NFASC: variants seen among roughly 807,000 people sequenced by gnomAD.
NFASC encodes neurofascin homolog.
NFASC carries 43 observed loss-of-function variants against 147.5 expected under a neutral mutation model. The ratio of observed to expected loss-of-function variants is 0.29; its 90% CI spans 0.23 to 0.38. The LOEUF is 0.38. NFASC is among the 10% of genes least tolerant of loss of function. NFASC has a pLI of 1.00. For synonymous variants in NFASC, 622 were observed against 665.5 expected, an observed-to-expected ratio of 0.93 and a Z score of 1.01; for missense variants, 1,320 against 1,689.0, an observed-to-expected ratio of 0.78 and a Z score of 3.83.
intron 24 of NFASC, among the ~76,000 whole-genome samples, chr1:204,994,747 A>T (rs572139310): frequency 6.6e-6 from 1 of 152,290 alleles, no homozygotes; most frequent in South Asian, 2.1e-4. Flanking sequence ...CCTCCTCCAA[A>T]GGGAGTGTTT....
chr1:204,956,589 G>C (rs770149450), intron 7 of NFASC, among the ~76,000 whole-genome samples: 1 of 152,168 alleles, frequency 6.6e-6, no homozygotes, highest in African/African-American at 2.4e-5. Flanking sequence ...CATTGCAATT[G>C]TTTATTTATC....
Position 204,973,265 on chromosome 1 carries a change from C to G in NFASC, c.1136-11C>G, listed in dbSNP as rs1558312492. 1 of 1,613,960 alleles carries G rather than the reference C, an allele frequency of 6.2e-7. No homozygotes were observed. The highest frequency in any genetic ancestry group is 8.5e-7 in the Non-Finnish European group (1 of 1,179,936). On this transcript the variant is annotated splice_polypyrimidine_tract_variant and intron_variant, in intron 11 of 29. Coordinates refer to ENST00000339876, the MANE Select transcript of NFASC (RefSeq NM_001005388.3). ...CATCTCTCATGAGGAGCGTCTCTTT[C>G]TTGTCTGTAGCGGCACCACCTAACC...
chr1:204,991,186 C>A, intron 23 of NFASC, 106 bp from the exon 24 acceptor site: 3 of 1,366,030 alleles, frequency 2.2e-6, no homozygotes, highest in South Asian at 1.2e-5. Context: ...TGGGCTGGAA[C>A]CTTCCCTGCT....
At chr1:204,876,604 A>T (rs1245044686) in intron 1 of NFASC, among the ~76,000 whole-genome samples, 1 of 151,690 alleles carries the variant, frequency 6.6e-6, no homozygotes, top group African/African-American at 2.4e-5. Context: ...CTACCTCCTC[A>T]TTCTCCCCTC....
intron 3 of NFASC, among the ~76,000 whole-genome samples, chr1:204,947,889 C>T (rs753393544): frequency 2.0e-5 from 3 of 152,092 alleles, no homozygotes; most frequent in East Asian, 1.9e-4. Context: ...CATACACTCA[C>T]GCTCACACCT....
In NFASC at chr1:204,887,170, G is replaced by A. The variant is rs750658087; in HGVS notation, c.-199-33462G>A. ...AACTCCCTATTCCCTCCTCCCCCAA[G>A]CACCTGGGAACCGTCATTCTGCTTT... On this transcript the variant is annotated intron_variant, in intron 1 of 29. Coordinates refer to ENST00000339876, the MANE Select transcript of NFASC (RefSeq NM_001005388.3). 3.3e-4 allele frequency among the ~76,000 whole-genome samples: 50 copies of A among 152,168 alleles called. 1 individual carries two copies. The highest frequency in any genetic ancestry group is 9.2e-4 in the Admixed American group (14 of 15,286).
chr1:204,913,684 G>C (rs895188307), intron 1 of NFASC, among the ~76,000 whole-genome samples: 2 of 152,106 alleles, frequency 1.3e-5, no homozygotes, highest in Admixed American at 1.3e-4. Context: ...ATGATTACCA[G>C]CCTGGGTAAC....
At chr1:204,898,487 A>G (rs1380328553) in intron 1 of NFASC, among the ~76,000 whole-genome samples, 19 of 152,160 alleles carry the variant, frequency 1.2e-4, no homozygotes, top group Admixed American at 1.2e-3. Context: ...CCTCTCTCTG[A>G]GGAAGAACTT....
rs1338779911 is a variant in NFASC, at chr1:205,022,764, A to G, written c.*6225A>G. 2.0e-5 allele frequency: 3 copies of G among 152,626 alleles called. No individual in the cohort carries two copies. The East Asian group carries it at 5.8e-4, about 29-fold the overall frequency. 9.5% of individuals were successfully genotyped at this position (152,626 alleles called of 1,614,324 possible). A position where few individuals can be genotyped will look rare whatever the true frequency, so the allele number is the denominator to read the frequency against. ...GAATTTTTTTTGAATCACTGTAAAAAAACTGATTTCTTTTGTATAGAGAAC... is the reference window on the plus strand; with the variant it reads ...GAATTTTTTTTGAATCACTGTAAAAGAACTGATTTCTTTTGTATAGAGAAC... On this transcript the variant is annotated 3_prime_UTR_variant, in exon 30 of 30. Coordinates refer to ENST00000339876, the MANE Select transcript of NFASC (RefSeq NM_001005388.3).
In NFASC at chr1:204,839,368, A is replaced by AACACAC. The variant is rs55784616; in HGVS notation, c.-200+10631_-200+10636dup. Among the ~76,000 whole-genome samples, 332 of 135,186 alleles carry AACACAC rather than the reference A, an allele frequency of 2.5e-3. 1 individual carries two copies. The highest frequency in any genetic ancestry group is 5.0e-3 in the African/African-American group (183 of 36,566). The allele number at this position is 135,186 out of a possible 152,430, so 88.7% of individuals were successfully genotyped here. The stretch of plus-strand genomic sequence containing the variant: ...GGAGAGGAAAGGCAGGCACGTATGA[A>AACACAC]ACACACACACACACACACACACACA... On this transcript the variant is annotated intron_variant, in intron 1 of 29. Coordinates refer to ENST00000339876, the MANE Select transcript of NFASC (RefSeq NM_001005388.3).
At chr1:204,962,482 A>G (rs771391986) in intron 8 of NFASC, among the ~76,000 whole-genome samples, 26 of 152,238 alleles carry the variant, frequency 1.7e-4, no homozygotes, top group Admixed American at 1.4e-3. Context: ...TCAAGAATGG[A>G]TGAAGGGAGA....
rs947517631 is a variant in NFASC at position 204,954,235 on chromosome 1, C to T, written c.263C>T (p.Pro88Leu). 12 of 1,614,182 alleles carry T rather than the reference C, an allele frequency of 7.4e-6. No individual in the cohort carries two copies. The highest frequency in any genetic ancestry group is 1.0e-5 in the Non-Finnish European group (12 of 1,180,030). ...NSRFFNIAKD[P>L]RVSMRRRSGT... ...AGATTCTTCAACATCGCCAAGGACC[C>T]CCGGGTGTCCATGAGGAGGAGGTCT... The change falls in exon 6 of 30, where the codon CCC (proline) becomes CTC (leucine). Residue 88 changes from proline to leucine, a missense_variant. Transcript: ENST00000339876. This position sits in a 1 kb window ranked among gnomAD's most constrained non-coding sequence, Gnocchi z 5.7.
Position 204,975,155 on chromosome 1 carries a change from T to C in NFASC, c.1559-116T>C. On this transcript the variant is annotated intron_variant, in intron 14 of 29. Transcript: ENST00000339876. The surrounding 1 kb of genome is among the most constrained non-coding windows in gnomAD (Gnocchi z 4.0). ...CGTTCATACCATAGCATACTGTTTG[T>C]GCCCCACTCCATAGTTGGCCCAAGG... 1 of 1,129,218 alleles carries C rather than the reference T, an allele frequency of 8.9e-7. No individual in the cohort carries two copies. The highest frequency in any genetic ancestry group is 1.3e-6 in the Non-Finnish European group (1 of 792,000). The allele number at this position is 1,129,218 out of a possible 1,614,324, so 69.9% of individuals were successfully genotyped here. A position where few individuals can be genotyped will look rare whatever the true frequency, so the allele number is the denominator to read the frequency against.
intron 1 of NFASC, among the ~76,000 whole-genome samples, chr1:204,853,738 C>G (rs776194185): frequency 2.0e-4 from 31 of 152,214 alleles, no homozygotes; most frequent in Non-Finnish European, 1.2e-4. Context: ...GCTTGTCCCA[C>G]TTGGAGAGAG....
chr1:204,858,806 C>T (rs972941288), intron 1 of NFASC, among the ~76,000 whole-genome samples: 1 of 152,088 alleles, frequency 6.6e-6, no homozygotes, highest in Non-Finnish European at 1.5e-5. Flanking sequence ...CCTTCCCCAC[C>T]GGGGTCGTAA....
chr1:204,992,705 C>T (rs965549690), intron 24 of NFASC, among the ~76,000 whole-genome samples: 5 of 152,218 alleles, frequency 3.3e-5, no homozygotes, highest in African/African-American at 1.2e-4. Context: ...GGGCACCAGG[C>T]GAATCAGCTG....
At chr1:204,950,487 C>G (rs1282181456) in intron 3 of NFASC, 70 bp from the exon 4 acceptor site, 1 of 1,455,082 alleles carries the variant, frequency 6.9e-7, no homozygotes, top group Non-Finnish European at 9.5e-7. Context: ...GTGAGGATGC[C>G]TGGGCGGTTG....
chr1:204,852,294 T>C (rs2075767473), intron 1 of NFASC, among the ~76,000 whole-genome samples: 1 of 151,578 alleles, frequency 6.6e-6, no homozygotes, highest in Admixed American at 6.6e-5. Flanking sequence ...AGGTCAGGAG[T>C]TCAAGACCAG....
intron 21 of NFASC, among the ~76,000 whole-genome samples, chr1:204,983,082 T>C (rs998535280): frequency 7.9e-5 from 12 of 152,162 alleles, no homozygotes; most frequent in African/African-American, 2.9e-4. Context: ...CACTGGATGG[T>C]AAGTGCAGAA....
Sources: allele counts gnomAD v4.1 joint callset (sites outside exome capture counted in the v4.1 genomes callset), GRCh38; gene constraint gnomAD v4.1.1; non-coding constraint Gnocchi (gnomAD v3.1); transcripts MANE v1.5; gene names NCBI Gene and HGNC (gene_info 2026-07-23, HGNC 2026-07-21).